Variants in SEC63 observed in about 807,000 individuals in gnomAD.
SEC63 encodes translocation protein SEC63 homolog.
SEC63 carries 56 observed loss-of-function variants against 116.2 expected under a neutral mutation model. That is an observed-to-expected ratio of 0.48 (90% CI 0.39 to 0.60). The LOEUF (loss-of-function observed/expected upper bound fraction) is 0.60. SEC63 is among the 20% of genes least tolerant of loss of function. The pLI, the probability that SEC63 is intolerant of heterozygous loss-of-function variation, is 0.00. For synonymous variants in SEC63, 273 were observed against 294.6 expected, an observed-to-expected ratio of 0.93 and a Z score of 0.75; for missense variants, 668 against 900.0, an observed-to-expected ratio of 0.74 and a Z score of 3.30.
At chr6:107,931,467 TGAAA>T (rs1787804606) in intron 1 of SEC63, among the ~76,000 whole-genome samples, 1 of 142,554 alleles carries the variant, frequency 7.0e-6, no homozygotes, top group African/African-American at 2.5e-5. Context: ...GCACTTGGAC[TGAAA>T]GACTCTCCCA....
chr6:107,892,699 G>T (rs1786712184), intron 16 of SEC63, among the ~76,000 whole-genome samples: 1 of 152,106 alleles, frequency 6.6e-6, no homozygotes, highest in Admixed American at 6.6e-5. Context: ...AATAGAAAAA[G>T]AAGTTATCCA....
At chr6:107,911,522 T>G (rs1359903326) in intron 6 of SEC63, 126 bp from the exon 7 acceptor site, 7 of 713,644 alleles carry the variant, frequency 9.8e-6, no homozygotes, top group Non-Finnish European at 1.7e-5. Flanking sequence ...TTATCTTGTT[T>G]AATCCTTATT....
At chr6:107,907,706 T>C (rs546698785) in intron 8 of SEC63, among the ~76,000 whole-genome samples, 1 of 152,242 alleles carries the variant, frequency 6.6e-6, no homozygotes, top group South Asian at 2.1e-4. Context: ...CATATCTGTG[T>C]ATCTCAGCTT....
At chr6:107,911,733 A>C (rs1489131446) in intron 6 of SEC63, among the ~76,000 whole-genome samples, 2 of 152,190 alleles carry the variant, frequency 1.3e-5, no homozygotes, top group Non-Finnish European at 1.5e-5. Context: ...TTACTGACAC[A>C]ATACAGATTA....
chr6:107,883,273 C>T, intron 16 of SEC63, 127 bp from the exon 17 acceptor site: 1 of 1,171,958 alleles, frequency 8.5e-7, no homozygotes, highest in Admixed American at 2.4e-5. Flanking sequence ...TATTCATATA[C>T]AATTTTTTAA....
intron 19 of SEC63, among the ~76,000 whole-genome samples, chr6:107,874,360 C>T (rs1168116348): frequency 6.6e-5 from 10 of 152,122 alleles, no homozygotes; most frequent in Non-Finnish European, 1.2e-4. Context: ...TTTGGGAGGC[C>T]AAGGCGGGCG....
chr6:107,913,337 C>T (rs1280079745), intron 5 of SEC63, 29 bp downstream of exon 5: 2 of 1,385,196 alleles, frequency 1.4e-6, no homozygotes, highest in Non-Finnish European at 2.1e-6. Flanking sequence ...ACCATATCGC[C>T]AATATTTTAA....
chr6:107,957,797 G>A (rs946210001), intron 1 of SEC63, 89 bp downstream of exon 1: 3 of 1,293,474 alleles, frequency 2.3e-6, no homozygotes, highest in South Asian at 2.2e-5. Flanking sequence ...CGGACGCCGC[G>A]GGCTGGGGCC....
intron 5 of SEC63, 30 bp from the exon 6 acceptor site, chr6:107,912,804 G>A (rs375722282): frequency 2.0e-6 from 3 of 1,522,902 alleles, no homozygotes; most frequent in Non-Finnish European, 2.7e-6. Flanking sequence ...AGTTTCTGAA[G>A]AATCTCTACT....
chr6:107,906,392 T>C (rs1251626697), intron 10 of SEC63, 56 bp downstream of exon 10: 3 of 1,581,656 alleles, frequency 1.9e-6, no homozygotes, highest in Non-Finnish European at 2.6e-6. Flanking sequence ...TTAAGTCTAA[T>C]TAATTCTGCT....
At position 107,926,450 on chromosome 6, in the gene SEC63, C is replaced by A. The variant is rs946518845; in HGVS notation, c.225-1518G>T. Among the ~76,000 whole-genome samples the A allele has an allele frequency of 1.4e-4, 21 of 152,106 alleles. 1 individual carries two copies. In the East Asian group the frequency reaches 2.7e-3, roughly 20 times the overall value. On this transcript the variant is annotated intron_variant, in intron 2 of 20. Coordinates refer to ENST00000369002, the MANE Select transcript of SEC63 (RefSeq NM_007214.5). ...GTTTTTAAATCATGATCATGGCTCA[C>A]TGCAGCCTCGACCTCCCAGGCTCAA...
chr6:107,912,649 A>C, intron 6 of SEC63, 67 bp downstream of exon 6: 1 of 897,060 alleles, frequency 1.1e-6, no homozygotes, highest in Non-Finnish European at 1.9e-6. Context: ...TGTATTACCA[A>C]GACAGATTGT....
intron 8 of SEC63, among the ~76,000 whole-genome samples, chr6:107,907,662 A>G (rs1299821881): frequency 1.3e-5 from 2 of 152,214 alleles, no homozygotes; most frequent in African/African-American, 4.8e-5. Flanking sequence ...GTATTTTGTC[A>G]CTTCCTAGCT....
At chr6:107,914,522 C>G (rs961473151) in intron 4 of SEC63, among the ~76,000 whole-genome samples, 2 of 152,116 alleles carry the variant, frequency 1.3e-5, no homozygotes, top group Non-Finnish European at 2.9e-5. Context: ...TTTATGCAAA[C>G]AGGTGCCTTG....
At chr6:107,881,356 G>T in intron 17 of SEC63, 106 bp from the exon 18 acceptor site, 1 of 760,822 alleles carries the variant, frequency 1.3e-6, no homozygotes, top group Non-Finnish European at 2.3e-6. Context: ...CTTAGGATTA[G>T]AACAAGTTCA....
Position 107,918,092 on chromosome 6 carries a change from T to A in SEC63, c.452+3705A>T, listed in dbSNP as rs144938168. Among the ~76,000 whole-genome samples the A allele has an allele frequency of 2.0e-3, 306 of 152,322 alleles. 3 individuals carry two copies. Among genetic ancestry groups the A allele is most frequent in the Middle Eastern group, 3.4e-3 (1 of 294 alleles). ...GCTGGCGACTTTAACTTGAAGCCAA[T>A]GCTGGTGTGCCATTCCAAAAGTCCT... On this transcript the variant is annotated intron_variant, in intron 4 of 20. Transcript: ENST00000369002.
intron 3 of SEC63, among the ~76,000 whole-genome samples, chr6:107,922,248 T>C (rs1383320243): frequency 6.6e-6 from 1 of 152,250 alleles, no homozygotes; most frequent in Non-Finnish European, 1.5e-5. Flanking sequence ...GCACAGCCTG[T>C]AATCCCAGCA....
intron 16 of SEC63, among the ~76,000 whole-genome samples, chr6:107,886,660 GAA>G (rs1423119944): frequency 4.0e-5 from 6 of 151,764 alleles, no homozygotes; most frequent in African/African-American, 1.5e-4. Flanking sequence ...GTCTTCTTTT[GAA>G]AAGTGCCTGT....
At chr6:107,952,165 G>A (rs1011402585) in intron 1 of SEC63, among the ~76,000 whole-genome samples, 2 of 152,084 alleles carry the variant, frequency 1.3e-5, no homozygotes, top group Admixed American at 1.3e-4. Flanking sequence ...TACTAAAAGG[G>A]GTATTAATTA....
Sources: gnomAD v4.1 joint callset for allele counts (sites outside exome capture counted in the v4.1 genomes callset) on GRCh38, gnomAD v4.1.1 for gene constraint, MANE v1.5 for transcripts, NCBI Gene and HGNC (gene_info 2026-07-23, HGNC 2026-07-21) for gene names.